The following RAPGEF6 variants were observed in gnomAD, a reference collection of about 807,000 sequenced individuals.
The protein encoded by RAPGEF6 is PDZ domain containing guanine nucleotide exchange factor (GEF) 2.
A neutral mutation model predicts 171.4 loss-of-function variants in RAPGEF6; 56 were observed. The observed-to-expected ratio is 0.33, with a 90% CI of 0.26 to 0.41. The LOEUF is 0.41. Among genes scored for constraint, RAPGEF6 ranks in the 10% least tolerant of loss-of-function variants. RAPGEF6 has a pLI of 1.00. For missense variants in RAPGEF6, 1,674 were observed against 1,921.4 expected, an observed-to-expected ratio of 0.87 and a Z score of 2.41; for synonymous variants, 692 against 650.1, an observed-to-expected ratio of 1.06 and a Z score of -0.98.
chr5:131,580,610 A>G (rs1002889961), intron 4 of RAPGEF6, among the ~76,000 whole-genome samples: 1 of 152,232 alleles, frequency 6.6e-6, no homozygotes, highest in Admixed American at 6.5e-5. Flanking sequence ...AAGGTTATTC[A>G]TAGACACTAT....
At chr5:131,606,934 G>A (rs1409255633) in intron 1 of RAPGEF6, among the ~76,000 whole-genome samples, 1 of 152,202 alleles carries the variant, frequency 6.6e-6, no homozygotes, top group Non-Finnish European at 1.5e-5. Flanking sequence ...GCTCTACGGG[G>A]TAAAAGCACC....
chr5:131,627,401 T>A (rs1012010476), intron 1 of RAPGEF6, among the ~76,000 whole-genome samples: 6 of 152,252 alleles, frequency 3.9e-5, no homozygotes, highest in Admixed American at 3.3e-4. Flanking sequence ...TACGAAGTGC[T>A]ACCTTTTTAA....
chr5:131,629,318 GA>G (rs1037213600), intron 1 of RAPGEF6, among the ~76,000 whole-genome samples: 2 of 147,582 alleles, frequency 1.4e-5, no homozygotes, highest in Admixed American at 6.7e-5. Flanking sequence ...TCACTTAAAA[GA>G]AAAAAAAAAT....
At chr5:131,489,497 T>A (rs1229363473) in intron 15 of RAPGEF6, 49 bp downstream of exon 15, 10 of 1,108,026 alleles carry the variant, frequency 9.0e-6, no homozygotes, top group Non-Finnish European at 1.3e-5. Context: ...ACTTTTCTAT[T>A]ACCAAATTAA....
At chr5:131,569,096 A>T (rs987471279) in intron 4 of RAPGEF6, among the ~76,000 whole-genome samples, 7 of 152,248 alleles carry the variant, frequency 4.6e-5, no homozygotes, top group African/African-American at 1.4e-4. Context: ...TATATGCAGA[A>T]GCAAGCCATG....
At chr5:131,570,404 C>T (rs941675733) in intron 4 of RAPGEF6, among the ~76,000 whole-genome samples, 31 of 152,048 alleles carry the variant, frequency 2.0e-4, no homozygotes, top group Non-Finnish European at 3.8e-4. Flanking sequence ...GGTCTTTTCC[C>T]AAGAAGTTAA....
chr5:131,508,455 C>G (rs551258979), intron 8 of RAPGEF6, among the ~76,000 whole-genome samples: 77 of 152,302 alleles, frequency 5.1e-4, no homozygotes, highest in African/African-American at 1.8e-3. Flanking sequence ...CCAGAGAGAA[C>G]AAGGACCATA....
intron 7 of RAPGEF6, among the ~76,000 whole-genome samples, chr5:131,513,678 C>T (rs1211137908): frequency 6.6e-6 from 1 of 152,102 alleles, no homozygotes; most frequent in Non-Finnish European, 1.5e-5. Flanking sequence ...CTTTTAATAC[C>T]AACTGCAAAG....
chr5:131,439,470 G>T, intron 24 of RAPGEF6, 111 bp downstream of exon 24: 1 of 1,437,692 alleles, frequency 7.0e-7, no homozygotes. Context: ...AGCATTAGGA[G>T]TTATGCTTTT....
Position 131,428,926 on chromosome 5 carries a change from T to C in RAPGEF6, c.4756A>G (p.Thr1586Ala). ...QPFHPKLGDVTDADSEADENE... is the reference protein window; with the variant it reads ...QPFHPKLGDVADADSEADENE... ...CCATCTGCTTCGCTATCTGCATCAGTCACATCTCCTAGTTTAGGATGGAAT... is the reference window on the plus strand; with the variant it reads ...CCATCTGCTTCGCTATCTGCATCAGCCACATCTCCTAGTTTAGGATGGAAT... The change falls in exon 27 of 28, where the codon ACT becomes GCT. Residue 1586 changes from threonine (T) to alanine (A), a missense_variant. Thr to Ala is a moderately conservative substitution (Grantham distance 58). This residue lies in a region of RAPGEF6 where 552 missense variants were observed against 574.2 expected (regional missense o/e 0.96). Coordinates refer to ENST00000509018, the MANE Select transcript of RAPGEF6 (RefSeq NM_016340.6). 6.2e-7 allele frequency: 1 copy of C among 1,614,038 alleles called. No homozygotes were observed. The highest frequency in any genetic ancestry group is 8.5e-7 in the Non-Finnish European group (1 of 1,179,864).
intron 4 of RAPGEF6, among the ~76,000 whole-genome samples, chr5:131,588,485 G>A (rs1432897189): frequency 1.3e-5 from 2 of 152,202 alleles, no homozygotes; most frequent in East Asian, 1.9e-4. Flanking sequence ...GGCTCACACT[G>A]TAATCCCAGC....
chr5:131,580,329 G>A (rs934640603), intron 4 of RAPGEF6, among the ~76,000 whole-genome samples: 2 of 152,204 alleles, frequency 1.3e-5, no homozygotes, highest in African/African-American at 4.8e-5. Flanking sequence ...CACTCCGAGT[G>A]TGGGGCCCAC....
chr5:131,598,495 C>A (rs1764034840), intron 3 of RAPGEF6, among the ~76,000 whole-genome samples: 1 of 152,084 alleles, frequency 6.6e-6, no homozygotes, highest in South Asian at 2.1e-4. Flanking sequence ...AAAACCATAC[C>A]TAGCAACATT....
In RAPGEF6 at chr5:131,551,337, C is replaced by T. The variant is rs541648700; in HGVS notation, c.352-3147G>A. Among the ~76,000 whole-genome samples the T allele has an allele frequency of 3.3e-5, 5 of 151,904 alleles. No individual in the cohort carries two copies. The South Asian group carries it at 8.3e-4, about 25-fold the overall frequency. Reference sequence around the variant, plus strand: ...GACCAGCCTGGCCAAGATGGCGAAACCCCATCTCTACTAAAAACTACAAAA... The same window carrying T: ...GACCAGCCTGGCCAAGATGGCGAAATCCCATCTCTACTAAAAACTACAAAA... On this transcript the variant is annotated intron_variant, in intron 5 of 27. Coordinates refer to ENST00000509018, the MANE Select transcript of RAPGEF6 (RefSeq NM_016340.6).
At chr5:131,583,820 T>C (rs1763098806) in intron 4 of RAPGEF6, among the ~76,000 whole-genome samples, 1 of 152,312 alleles carries the variant, frequency 6.6e-6, no homozygotes, top group African/African-American at 2.4e-5. Context: ...AGTTTGGTTT[T>C]CCTGTTAACA....
At chr5:131,511,535 C>T (rs1009826272) in intron 7 of RAPGEF6, among the ~76,000 whole-genome samples, 20 of 145,698 alleles carry the variant, frequency 1.4e-4, no homozygotes, top group Non-Finnish European at 2.8e-4. Context: ...GTCACCCAGA[C>T]TGGAGTGTAG....
intron 4 of RAPGEF6, among the ~76,000 whole-genome samples, chr5:131,577,712 T>C (rs1195953580): frequency 6.6e-6 from 1 of 152,162 alleles, no homozygotes; most frequent in Admixed American, 6.5e-5. Flanking sequence ...ACCCTCCCCA[T>C]TGGGTTCACC....
chr5:131,489,429 C>T, intron 15 of RAPGEF6, 117 bp downstream of exon 15: 1 of 635,382 alleles, frequency 1.6e-6, no homozygotes, highest in Non-Finnish European at 2.8e-6. Flanking sequence ...CTGAAACTAG[C>T]TGAAGAGCTT....
intron 3 of RAPGEF6, among the ~76,000 whole-genome samples, chr5:131,592,739 CAACA>C (rs1439797062): frequency 6.6e-6 from 1 of 151,982 alleles, no homozygotes; most frequent in Admixed American, 6.6e-5. Context: ...TAGCAAAAAA[CAACA>C]ATCATTGTTT....
Sources: gnomAD v4.1 joint callset for allele counts (sites outside exome capture counted in the v4.1 genomes callset) on GRCh38, gnomAD v4.1.1 for gene constraint, gnomAD v4.1.1 regional missense constraint, MANE v1.5 for transcripts, NCBI Gene and HGNC (gene_info 2026-07-23, HGNC 2026-07-21) for gene names.